The following HAVCR1 variants were observed in gnomAD, a reference collection of about 807,000 sequenced individuals.
The protein encoded by HAVCR1 is hepatitis A virus cellular receptor 1, also known as T cell immunoglobin domain and mucin domain protein 1.
HAVCR1 carries 34 observed loss-of-function variants against 32.0 expected under a neutral mutation model. That is an observed-to-expected ratio of 1.06 (90% CI 0.81 to 1.42). The LOEUF is 1.42. HAVCR1 is among the 40% of genes most tolerant of loss of function. HAVCR1 has a pLI of 0.00. For missense variants in HAVCR1, 420 were observed against 442.3 expected (o/e 0.95, Z 0.45); for synonymous variants, 178 against 170.3 (o/e 1.05, Z -0.35).
Position 157,032,844 on chromosome 5 carries a change from T to A in HAVCR1, c.986+10A>T. ...CTCAAAAGTATTGATAGAAATATTT[T>A]CGAGCTTACCTTAGTTGTTGAACCT... is the stretch of plus-strand genomic sequence containing the variant. On this transcript the variant is annotated intron_variant, in intron 8 of 8. Transcript: ENST00000523175. 1 of 1,501,634 alleles carries A rather than the reference T, an allele frequency of 6.7e-7. No individual in the cohort carries two copies. The highest frequency in any genetic ancestry group is 9.3e-7 in the Non-Finnish European group (1 of 1,080,850). 93.0% of individuals were successfully genotyped at this position (1,501,634 alleles called of 1,614,324 possible). A position where few individuals can be genotyped will look rare whatever the true frequency, so the allele number is the denominator to read the frequency against.
chr5:157,047,306 C>A (rs1561594213), intron 5 of HAVCR1, among the ~76,000 whole-genome samples: 1 of 152,140 alleles, frequency 6.6e-6, no homozygotes, highest in Non-Finnish European at 1.5e-5. Flanking sequence ...AATCTCAACA[C>A]TTTGGAAGGC....
At chr5:157,065,298 C>T in the HAVCR1 span, among the ~76,000 whole-genome samples, 1 of 117,672 alleles carries the variant, frequency 8.5e-6, no homozygotes, top group African/African-American at 3.0e-5. Flanking sequence ...CAGAGCGAGA[C>T]TCCGCCTCAA....
At chr5:157,034,205 T>G (rs1199588203) in intron 7 of HAVCR1, among the ~76,000 whole-genome samples, 1 of 151,962 alleles carries the variant, frequency 6.6e-6, no homozygotes, top group African/African-American at 2.4e-5. Flanking sequence ...ACTGTCTCAG[T>G]GAGGGGGATG....
At chr5:157,037,440 C>A (rs1301504900) in intron 6 of HAVCR1, 79 bp from the exon 7 acceptor site, 1 of 720,928 alleles carries the variant, frequency 1.4e-6, no homozygotes, top group Non-Finnish European at 2.5e-6. Flanking sequence ...ATCACTTACC[C>A]AGCCACATTT....
chr5:157,036,928 G>A (rs910077145), intron 7 of HAVCR1, among the ~76,000 whole-genome samples: 3 of 151,770 alleles, frequency 2.0e-5, no homozygotes, highest in Admixed American at 1.3e-4. Flanking sequence ...GTCCCACCAT[G>A]TTGTTCAGGC....
At chr5:157,029,912 A>C (rs1334530937) in intron 8 of HAVCR1, 71 bp from the exon 9 acceptor site, 1 of 1,317,648 alleles carries the variant, frequency 7.6e-7, no homozygotes, top group African/African-American at 1.5e-5. Context: ...TATAAGCTGC[A>C]CTTTTGTTTA....
At position 157,037,238 on chromosome 5, in the gene HAVCR1, A is replaced by G. The variant is rs771103519; in HGVS notation, c.952+9T>C. 1 of 1,406,578 alleles carries G rather than the reference A, an allele frequency of 7.1e-7. No individual in the cohort carries two copies. The highest frequency in any genetic ancestry group is 1.2e-5 in the South Asian group (1 of 86,906). 87.1% of individuals were successfully genotyped at this position (1,406,578 alleles called of 1,614,324 possible). On this transcript the variant is annotated intron_variant, in intron 7 of 8. Transcript: ENST00000523175. ...CTTGTCCCTTAGGAACAATCTCGAA[A>G]TGACTTACTTTTGGCAATGATGACA...
chr5:157,040,096 G>T (rs2113524318), intron 6 of HAVCR1, among the ~76,000 whole-genome samples: 1 of 152,106 alleles, frequency 6.6e-6, no homozygotes, highest in African/African-American at 2.4e-5. Context: ...GTCGGGAGTT[G>T]GAGACCAGCC....
the HAVCR1 span, among the ~76,000 whole-genome samples, chr5:157,066,555 G>GTTT: frequency 1.6e-4 from 23 of 143,904 alleles, no homozygotes; most frequent in Non-Finnish European, 2.4e-4. Context: ...AATCCTGGGT[G>GTTT]TTTTTTTTTT....
Position 157,032,846 on chromosome 5 carries a change from G to C in HAVCR1, c.986+8C>G. 6.6e-7 allele frequency: 1 copy of C among 1,517,578 alleles called. No individual in the cohort carries two copies. The allele number at this position is 1,517,578 out of a possible 1,614,324, so 94.0% of individuals were successfully genotyped here. A position where few individuals can be genotyped will look rare whatever the true frequency, so the allele number is the denominator to read the frequency against. ...CAAAAGTATTGATAGAAATATTTTC[G>C]AGCTTACCTTAGTTGTTGAACCTCC... is the stretch of plus-strand genomic sequence containing the variant. On this transcript the variant is annotated splice_region_variant and intron_variant, in intron 8 of 8. Transcript: ENST00000523175.
At chr5:157,041,057 T>C (rs1399412362) in intron 6 of HAVCR1, among the ~76,000 whole-genome samples, 1 of 152,188 alleles carries the variant, frequency 6.6e-6, no homozygotes, top group African/African-American at 2.4e-5. Flanking sequence ...ATCTTATTAG[T>C]AAATCTATCT....
chr5:157,038,006 C>T (rs976924338), intron 6 of HAVCR1, among the ~76,000 whole-genome samples: 1 of 151,008 alleles, frequency 6.6e-6, no homozygotes, highest in Non-Finnish European at 1.5e-5. Context: ...GACTCCATCT[C>T]GAAAAAAAGA....
chr5:157,064,586 G>C, the HAVCR1 span, among the ~76,000 whole-genome samples: 20 of 152,140 alleles, frequency 1.3e-4, no homozygotes, highest in Non-Finnish European at 2.6e-4. Context: ...AGCTGCAAAG[G>C]CTGGGCTCAG....
At chr5:157,044,653 G>GAAAGAAAGAA (rs1755244091) in intron 5 of HAVCR1, among the ~76,000 whole-genome samples, 2 of 125,912 alleles carry the variant, frequency 1.6e-5, no homozygotes, top group South Asian at 3.1e-4. Flanking sequence ...AAGAAAGAAA[G>GAAAGAAAGAA]AAAGAAAGAA....
intron 8 of HAVCR1, among the ~76,000 whole-genome samples, chr5:157,030,694 A>C (rs1019787053): frequency 2.6e-5 from 4 of 152,228 alleles, no homozygotes; most frequent in African/African-American, 9.6e-5. Flanking sequence ...GAGGGAAGAA[A>C]GTAGACTTAG....
chr5:157,031,247 C>G (rs1204016918), intron 8 of HAVCR1, among the ~76,000 whole-genome samples: 1 of 152,170 alleles, frequency 6.6e-6, no homozygotes, highest in African/African-American at 2.4e-5. Flanking sequence ...TGAGCACTTA[C>G]AGTATGCTGG....
chr5:157,059,578 G>A (rs1343487328), upstream of HAVCR1, among the ~76,000 whole-genome samples: 4 of 152,174 alleles, frequency 2.6e-5, no homozygotes, highest in Non-Finnish European at 5.9e-5. Context: ...AGGAGGCTGA[G>A]GTAGAAGAAT....
intron 7 of HAVCR1, among the ~76,000 whole-genome samples, chr5:157,036,662 G>A (rs1181877108): frequency 1.3e-5 from 2 of 152,148 alleles, no homozygotes; most frequent in Non-Finnish European, 2.9e-5. Context: ...CTGTGCACTT[G>A]TCATGTGCCA....
the HAVCR1 span, among the ~76,000 whole-genome samples, chr5:157,065,716 G>A: frequency 6.6e-6 from 1 of 152,100 alleles, no homozygotes; most frequent in African/African-American, 2.4e-5. Context: ...TTGGCCGGGT[G>A]TGATGGCGCA....
Sources: gnomAD v4.1 joint callset for allele counts (sites outside exome capture counted in the v4.1 genomes callset) on GRCh38, gnomAD v4.1.1 for gene constraint, MANE v1.5 for transcripts, NCBI Gene and HGNC (gene_info 2026-07-23, HGNC 2026-07-21) for gene names.